PRKCE: variants seen among roughly 807,000 people sequenced by gnomAD.
PRKCE encodes protein kinase C epsilon type.
Under a neutral mutation model 85.4 loss-of-function variants are expected in PRKCE, and 16 were observed. The ratio of observed to expected loss-of-function variants is 0.19; its 90% confidence interval spans 0.13 to 0.28. The LOEUF is 0.28. Ranked by LOEUF, PRKCE falls within the 10% of genes least tolerant of loss-of-function variation. The pLI is 1.00. For missense variants in PRKCE, 573 were observed against 975.2 expected, an observed-to-expected ratio of 0.59 and a Z score of 5.49; for synonymous variants, 388 against 371.5, an observed-to-expected ratio of 1.04 and a Z score of -0.51.
At position 45,700,044 on chromosome 2, in the gene PRKCE, G is replaced by A. The variant is rs1456713886; in HGVS notation, c.348+47596G>A. Among the ~76,000 whole-genome samples, 4 of 152,196 alleles carry A rather than the reference G, an allele frequency of 2.6e-5. No homozygotes were observed. The East Asian group carries it at 7.7e-4, about 29-fold the overall frequency. On this transcript the variant is annotated intron_variant, in intron 1 of 14. Coordinates refer to ENST00000306156, the MANE Select transcript of PRKCE (RefSeq NM_005400.3). Reference sequence around the variant, plus strand: ...CAGTGGCCAGGCCCAGCCCACCAGTGGAAGGCAGAAGGCACGAGCCACAAG... The same window carrying A: ...CAGTGGCCAGGCCCAGCCCACCAGTAGAAGGCAGAAGGCACGAGCCACAAG...
At chr2:46,177,060 G>A (rs1276898104) in intron 14 of PRKCE, among the ~76,000 whole-genome samples, 1 of 152,148 alleles carries the variant, frequency 6.6e-6, no homozygotes, top group Admixed American at 6.6e-5. Flanking sequence ...GATCTTGACA[G>A]GCTAGAAATA....
intron 1 of PRKCE, among the ~76,000 whole-genome samples, chr2:45,670,871 G>T (rs1329326981): frequency 6.6e-6 from 1 of 152,200 alleles, no homozygotes; most frequent in Non-Finnish European, 1.5e-5. Flanking sequence ...AAATAATGCT[G>T]CAGTGCCCTG....
chr2:45,794,420 A>C (rs1687261660), intron 1 of PRKCE, among the ~76,000 whole-genome samples: 1 of 152,010 alleles, frequency 6.6e-6, no homozygotes, highest in African/African-American at 2.4e-5. Context: ...AAGGAATTAC[A>C]CTCTGGGCTG....
intron 2 of PRKCE, among the ~76,000 whole-genome samples, chr2:45,869,203 C>T (rs1194645788): frequency 1.3e-5 from 2 of 152,150 alleles, no homozygotes; most frequent in African/African-American, 4.8e-5. Flanking sequence ...ATTTAAAAAT[C>T]AGTAACTTGA....
chr2:45,714,324 G>T (rs1679912493), intron 1 of PRKCE, among the ~76,000 whole-genome samples: 1 of 152,194 alleles, frequency 6.6e-6, no homozygotes, highest in Non-Finnish European at 1.5e-5. Context: ...GGGAAGGACT[G>T]TCCTACAAAG....
chr2:45,681,545 T>A (rs1367412343), intron 1 of PRKCE, among the ~76,000 whole-genome samples: 1 of 152,064 alleles, frequency 6.6e-6, no homozygotes, highest in East Asian at 1.9e-4. Flanking sequence ...ATTGTTTTGG[T>A]TTTGGTGCTT....
intron 10 of PRKCE, among the ~76,000 whole-genome samples, chr2:46,026,044 C>G (rs575364266): frequency 6.6e-6 from 1 of 152,166 alleles, no homozygotes; most frequent in East Asian, 1.9e-4. Context: ...TCTTGTGCAT[C>G]CATATCCCAG....
Position 46,024,887 on chromosome 2 carries a change from C to T in PRKCE, c.1437+14370C>T, listed in dbSNP as rs187889289. Among the ~76,000 whole-genome samples, 13 of 152,244 alleles carry T rather than the reference C, an allele frequency of 8.5e-5. No individual in the cohort carries two copies. In the East Asian group the frequency reaches 2.3e-3, roughly 27 times the overall value. On this transcript the variant is annotated intron_variant, in intron 10 of 14. Coordinates refer to ENST00000306156, the MANE Select transcript of PRKCE (RefSeq NM_005400.3). ...TGTTAACACTAAAAACATACCAACA[C>T]AACCAAAGGAAACACGTTGTCATGA...
Position 45,744,477 on chromosome 2 carries a change from CTTT to C in PRKCE, c.348+92030_348+92032del, listed in dbSNP as rs1558623701. On this transcript the variant is annotated intron_variant, in intron 1 of 14. Coordinates refer to ENST00000306156, the MANE Select transcript of PRKCE (RefSeq NM_005400.3). ...TCTTTCTTTCTTTCTTTCTTTCTTTCTTTCTTTCTTTTTCTTTCTTTCTTTTCT... is the reference window on the plus strand; with the variant it reads ...TCTTTCTTTCTTTCTTTCTTTCTTTCCTTTCTTTTTCTTTCTTTCTTTTCT... Among the ~76,000 whole-genome samples, 383 of 45,364 alleles carry C rather than the reference CTTT, an allele frequency of 8.4e-3. 12 individuals are homozygous for C. Among genetic ancestry groups the C allele is most frequent in the African/African-American group, 0.025 (282 of 11,444 alleles). The allele number at this position is 45,364 out of a possible 152,430, so 29.8% of individuals were successfully genotyped here.
chr2:46,186,456 C>G lies in PRKCE; in HGVS notation c.*1575C>G, dbSNP rs1315714805. 6.6e-6 allele frequency: 1 copy of G among 152,446 alleles called. No homozygotes were observed. Among genetic ancestry groups the G allele is most frequent in the African/African-American group, 2.4e-5 (1 of 41,356 alleles). 9.4% of individuals were successfully genotyped at this position (152,446 alleles called of 1,614,324 possible). ...ATAGAGGTATCAACTGCTGCATGTT[C>G]AGGCATATTATAAAACTTTAGTCTA... is the stretch of plus-strand genomic sequence containing the variant. On this transcript the variant is annotated 3_prime_UTR_variant, in exon 15 of 15. Transcript: ENST00000306156.
At chr2:45,906,775 G>A (rs1329962414) in intron 2 of PRKCE, among the ~76,000 whole-genome samples, 1 of 152,226 alleles carries the variant, frequency 6.6e-6, no homozygotes, top group Admixed American at 6.5e-5. Context: ...GCATCAATGT[G>A]CCGGCAGCTT....
intron 1 of PRKCE, among the ~76,000 whole-genome samples, chr2:45,778,167 G>A (rs1188694540): frequency 1.3e-5 from 2 of 152,158 alleles, no homozygotes; most frequent in African/African-American, 2.4e-5. Flanking sequence ...TTGGTGGGTG[G>A]AGTTTAAGCC....
chr2:45,840,221 T>C (rs1306167088), intron 1 of PRKCE, among the ~76,000 whole-genome samples: 1 of 152,222 alleles, frequency 6.6e-6, no homozygotes, highest in Non-Finnish European at 1.5e-5. Context: ...CAGGGTTTAA[T>C]AGGGATGATC....
intron 11 of PRKCE, among the ~76,000 whole-genome samples, chr2:46,118,996 G>A (rs1226351269): frequency 2.0e-5 from 3 of 152,124 alleles, no homozygotes; most frequent in Non-Finnish European, 4.4e-5. Context: ...GGAAGTGCAC[G>A]AACTCGGCTC....
intron 1 of PRKCE, among the ~76,000 whole-genome samples, chr2:45,735,468 G>A (rs1681975756): frequency 6.6e-6 from 1 of 152,260 alleles, no homozygotes; most frequent in South Asian, 2.1e-4. Context: ...GGTCACCATA[G>A]GCAAGTCATT....
At chr2:45,715,433 A>G (rs1388172285) in intron 1 of PRKCE, among the ~76,000 whole-genome samples, 1 of 152,200 alleles carries the variant, frequency 6.6e-6, no homozygotes, top group Non-Finnish European at 1.5e-5. Context: ...GAGTCCTTAA[A>G]GATACGGTTG....
intron 2 of PRKCE, among the ~76,000 whole-genome samples, chr2:45,888,271 T>G (rs995229409): frequency 4.6e-5 from 7 of 152,162 alleles, no homozygotes; most frequent in African/African-American, 1.7e-4. Context: ...TCTGGAGAAC[T>G]CTAGTCTCAC....
intron 1 of PRKCE, among the ~76,000 whole-genome samples, chr2:45,836,691 T>C (rs569683841): frequency 6.6e-6 from 1 of 152,234 alleles, no homozygotes; most frequent in Non-Finnish European, 1.5e-5. Flanking sequence ...AGTCCCCCAG[T>C]CTTCTGTCCT....
intron 10 of PRKCE, among the ~76,000 whole-genome samples, chr2:46,035,833 C>G (rs978757118): frequency 6.6e-6 from 1 of 152,194 alleles, no homozygotes; most frequent in African/African-American, 2.4e-5. Context: ...ATGCAAGGCA[C>G]AGTCCTAAGT....
Sources: allele counts gnomAD v4.1 joint callset (sites outside exome capture counted in the v4.1 genomes callset), GRCh38; gene constraint gnomAD v4.1.1; transcripts MANE v1.5; gene names NCBI Gene and HGNC (gene_info 2026-07-23, HGNC 2026-07-21).